Variants in MYO5A observed in about 807,000 individuals in gnomAD.
MYO5A encodes the protein myosin VA.
In MYO5A, 98 loss-of-function variants were observed where a neutral mutation model predicts 249.7. The ratio of observed to expected loss-of-function variants is 0.39; its 90% CI spans 0.33 to 0.46. The LOEUF is 0.46. MYO5A is among the 20% of genes least tolerant of loss of function. The pLI, the probability that MYO5A is intolerant of heterozygous loss-of-function variation, is 0.98. For synonymous variants in MYO5A, 778 were observed against 810.6 expected, an observed-to-expected ratio of 0.96 and a Z score of 0.68; for missense variants, 1,696 against 2,308.8, an observed-to-expected ratio of 0.73 and a Z score of 5.44.
chr15:52,517,049 TTA>T (rs1167943035), intron 1 of MYO5A, among the ~76,000 whole-genome samples: 17 of 152,338 alleles, frequency 1.1e-4, no homozygotes, highest in African/African-American at 4.1e-4. Flanking sequence ...TGAAATGAAC[TTA>T]TATGTTTCTA....
rs147465909 is a variant in MYO5A, at chr15:52,504,053, T to TCTCC, written c.27+24726_27+24727insGGAG. ...AAAGGCTGTTGCTGCTGTTTCTCCT[T>TCTCC]CTTTTTTTTTTTTTTTTTTTGCCTT... On this transcript the variant is annotated intron_variant, in intron 1 of 41. Coordinates refer to ENST00000399233, the MANE Select transcript of MYO5A (RefSeq NM_001382347.1). Among the ~76,000 whole-genome samples the TCTCC allele has an allele frequency of 8.2e-5, 4 of 48,994 alleles. No individual in the cohort carries two copies. The Middle Eastern group carries it at 0.027, about 328-fold the overall frequency. 32.1% of individuals were successfully genotyped at this position (48,994 alleles called of 152,430 possible).
chr15:52,354,689 G>A (rs915756646), intron 25 of MYO5A, among the ~76,000 whole-genome samples: 1 of 151,948 alleles, frequency 6.6e-6, no homozygotes, highest in Non-Finnish European at 1.5e-5. Context: ...CCCCATCTCT[G>A]CTAAAAATAT....
chr15:52,342,423 T>C (rs974661789), intron 31 of MYO5A, among the ~76,000 whole-genome samples: 1 of 152,142 alleles, frequency 6.6e-6, no homozygotes, highest in Non-Finnish European at 1.5e-5. Flanking sequence ...GATCTATCTA[T>C]AGGATATGAG....
rs570722603 is a variant in MYO5A at position 52,442,223 on chromosome 15, T to C, written c.28-8938A>G. On this transcript the variant is annotated intron_variant, in intron 1 of 41. Coordinates refer to ENST00000399233, the MANE Select transcript of MYO5A (RefSeq NM_001382347.1). ...CCACCCAAACCCTACCACAAATTCC[T>C]TCCTCAGAAGGAAAAGAAATGCTGG... Among the ~76,000 whole-genome samples the C allele has an allele frequency of 2.6e-5, 4 of 152,152 alleles. No homozygotes were observed. The East Asian group carries it at 7.7e-4, about 29-fold the overall frequency.
chr15:52,335,140 T>C (rs866557204), intron 34 of MYO5A, among the ~76,000 whole-genome samples: 8 of 152,266 alleles, frequency 5.3e-5, no homozygotes, highest in Middle Eastern at 3.4e-3. Context: ...TGAGAGAAAA[T>C]GATTAACCGT....
chr15:52,474,832 A>C (rs1410631513), intron 1 of MYO5A, among the ~76,000 whole-genome samples: 1 of 152,176 alleles, frequency 6.6e-6, no homozygotes, highest in African/African-American at 2.4e-5. Context: ...TTCATCAGGG[A>C]TATTGGCCTA....
At chr15:52,422,341 T>C (rs1222178509) in intron 4 of MYO5A, among the ~76,000 whole-genome samples, 1 of 151,646 alleles carries the variant, frequency 6.6e-6, no homozygotes, top group Non-Finnish European at 1.5e-5. Context: ...TTAGGATAGA[T>C]GTCAAAAACA....
At chr15:52,494,206 A>G (rs2076992678) in intron 1 of MYO5A, among the ~76,000 whole-genome samples, 1 of 152,222 alleles carries the variant, frequency 6.6e-6, no homozygotes, top group African/African-American at 2.4e-5. Context: ...TTAATGACTC[A>G]TCATCAAAAC....
Position 52,388,446 on chromosome 15 carries a change from C to G in MYO5A, c.1669-534G>C, listed in dbSNP as rs539243785. Among the ~76,000 whole-genome samples the G allele has an allele frequency of 3.3e-5, 5 of 152,280 alleles. 1 individual carries two copies. In the South Asian group the frequency reaches 1.0e-3, roughly 32 times the overall value. On this transcript the variant is annotated intron_variant, in intron 13 of 41. Coordinates refer to ENST00000399233, the MANE Select transcript of MYO5A (RefSeq NM_001382347.1). The stretch of plus-strand genomic sequence containing the variant: ...GACTATTTCTTTTCCAAAACTCCAG[C>G]AACTTCAGTTGTCTGCCACTCAAGG...
intron 1 of MYO5A, among the ~76,000 whole-genome samples, chr15:52,512,930 A>G (rs573664748): frequency 5.4e-5 from 8 of 149,408 alleles, no homozygotes; most frequent in Admixed American, 3.3e-4. Flanking sequence ...GACGGAGACC[A>G]TGCTGGTAAA....
intron 1 of MYO5A, among the ~76,000 whole-genome samples, chr15:52,499,544 T>C (rs757709362): frequency 2.6e-5 from 4 of 152,198 alleles, no homozygotes; most frequent in African/African-American, 4.8e-5. Flanking sequence ...TCTCTACCGA[T>C]TGTACTACTT....
At chr15:52,432,731 AG>A (rs576583577) in intron 2 of MYO5A, among the ~76,000 whole-genome samples, 48 of 152,336 alleles carry the variant, frequency 3.2e-4, no homozygotes, top group African/African-American at 1.1e-3. Context: ...TGGTATTAAA[AG>A]CCCTCCTAAT....
At chr15:52,358,827 A>C (rs2040375055) in intron 25 of MYO5A, among the ~76,000 whole-genome samples, 1 of 152,230 alleles carries the variant, frequency 6.6e-6, no homozygotes, top group South Asian at 2.1e-4. Flanking sequence ...ATCATTTATT[A>C]CATAGCAATA....
intron 37 of MYO5A, 131 bp from the exon 38 acceptor site, chr15:52,321,640 A>G: frequency 1.0e-6 from 1 of 967,262 alleles, no homozygotes; most frequent in Non-Finnish European, 1.6e-6. Flanking sequence ...TAATGCCAGG[A>G]CTGACATTCT....
chr15:52,314,099 AAAG>A (rs759666898), intron 41 of MYO5A, 21 bp downstream of exon 41: 79 of 1,563,710 alleles, frequency 5.1e-5, no homozygotes, highest in Middle Eastern at 2.0e-4. Context: ...TTGGTGAATC[AAAG>A]AAGAAGATGG....
At chr15:52,393,405 T>A (rs1040281078) in intron 11 of MYO5A, among the ~76,000 whole-genome samples, 1 of 151,904 alleles carries the variant, frequency 6.6e-6, no homozygotes, top group African/African-American at 2.4e-5. Context: ...CTTTTCTTTT[T>A]TTTTTTGAGA....
chr15:52,359,136 A>C (rs1315938732), intron 25 of MYO5A, among the ~76,000 whole-genome samples: 2 of 152,262 alleles, frequency 1.3e-5, no homozygotes, highest in African/African-American at 4.8e-5. Context: ...CAAAATTAAC[A>C]GAATGAGATG....
At chr15:52,519,911 A>T (rs1645054239) in intron 1 of MYO5A, among the ~76,000 whole-genome samples, 1 of 151,998 alleles carries the variant, frequency 6.6e-6, no homozygotes, top group African/African-American at 2.4e-5. Context: ...TTGTATTTTT[A>T]GTAGAGACAG....
rs1216183008 is a variant in MYO5A, at chr15:52,416,185, T to C, written c.572A>G (p.Asn191Ser). ...ATVSGSASEA[N>S]VEEKVLASNP... is the part of the protein sequence containing the mutation. The stretch of plus-strand genomic sequence containing the variant: ...GGAGGCCAAGACCTTTTCCTCCACA[T>C]TGGCCTCACTGGCAGAACCACTCAC... Residue 191 changes from asparagine to serine, a missense_variant, in exon 5 of 42, where the codon AAT (asparagine) becomes AGT (serine). By Grantham distance (46) the Asn-to-Ser change is conservative (BLOSUM62 1). Transcript: ENST00000399233. 3 of 1,613,942 alleles carry C rather than the reference T, an allele frequency of 1.9e-6. No individual in the cohort carries two copies. The highest frequency in any genetic ancestry group is 2.7e-5 in the African/African-American group (2 of 74,926).
Sources: gnomAD v4.1 joint callset for allele counts (sites outside exome capture counted in the v4.1 genomes callset) on GRCh38, gnomAD v4.1.1 for gene constraint, MANE v1.5 for transcripts, NCBI Gene and HGNC (gene_info 2026-07-23, HGNC 2026-07-21) for gene names.